CYP2C18: variants seen among roughly 807,000 people sequenced by gnomAD.
CYP2C18 encodes the protein cytochrome P450 2C18.
In CYP2C18, 38 loss-of-function variants were observed where a neutral mutation model predicts 41.3. The observed-to-expected ratio is 0.92, with a 90% CI of 0.71 to 1.21. The LOEUF is 1.21. Among genes scored for constraint, CYP2C18 ranks in the 50% most tolerant of loss-of-function variants. CYP2C18 has a pLI of 0.00. For missense variants in CYP2C18, 635 were observed against 591.4 expected (o/e 1.07, Z -0.77); for synonymous variants, 236 against 210.0 (o/e 1.12, Z -1.07).
At chr10:94,712,876 A>G (rs1847463671) in intron 5 of CYP2C18, among the ~76,000 whole-genome samples, 1 of 152,132 alleles carries the variant, frequency 6.6e-6, no homozygotes, top group Admixed American at 6.6e-5. Flanking sequence ...GATAATAGCC[A>G]TTCTAACAGA....
chr10:94,694,027 C>A (rs1162700811), intron 3 of CYP2C18, among the ~76,000 whole-genome samples: 1 of 151,984 alleles, frequency 6.6e-6, no homozygotes, highest in Non-Finnish European at 1.5e-5. Flanking sequence ...GATGGAATTA[C>A]CTAAATGATG....
intron 5 of CYP2C18, among the ~76,000 whole-genome samples, chr10:94,716,514 G>A (rs2134198876): frequency 6.6e-6 from 1 of 152,176 alleles, no homozygotes; most frequent in Non-Finnish European, 1.5e-5. Flanking sequence ...CTTAATTGTA[G>A]TTCTAGTTTG....
chr10:94,716,716 G>A (rs1293055976), intron 5 of CYP2C18, among the ~76,000 whole-genome samples: 2 of 152,166 alleles, frequency 1.3e-5, no homozygotes, highest in Non-Finnish European at 1.5e-5. Context: ...GCAGAGCTGA[G>A]TTCAATTCCT....
At chr10:94,726,596 G>A (rs1306775284) in intron 7 of CYP2C18, among the ~76,000 whole-genome samples, 1 of 152,050 alleles carries the variant, frequency 6.6e-6, no homozygotes, top group Admixed American at 6.6e-5. Flanking sequence ...ATCATTGATG[G>A]ACATTTGGGT....
Position 94,701,430 on chromosome 10 carries a change from G to A in CYP2C18, c.643-5354G>A, listed in dbSNP as rs181961289. 3.1e-3 allele frequency among the ~76,000 whole-genome samples: 478 copies of A among 152,074 alleles called. 2 individuals carry two copies. Among genetic ancestry groups the A allele is most frequent in the South Asian group, 0.012 (59 of 4,786 alleles). ...TGGGAATTGAACAGTGAGAACACAC[G>A]GACACGGGAAGGGGAACATCACACA... On this transcript the variant is annotated intron_variant, in intron 4 of 8. Transcript: ENST00000285979.
At chr10:94,710,486 G>A (rs377127215) in intron 5 of CYP2C18, among the ~76,000 whole-genome samples, 67 of 152,246 alleles carry the variant, frequency 4.4e-4, no homozygotes, top group African/African-American at 1.5e-3. Flanking sequence ...CCATTTTAAC[G>A]ATATTAAGTC....
chr10:94,698,111 C>T (rs187937349), intron 4 of CYP2C18, among the ~76,000 whole-genome samples: 1 of 152,220 alleles, frequency 6.6e-6, no homozygotes, highest in Non-Finnish European at 1.5e-5. Context: ...GAACTGAACT[C>T]AGCTCTGCAC....
At position 94,687,789 on chromosome 10, in the gene CYP2C18, C is replaced by G. The variant is rs769142998; in HGVS notation, c.188C>G (p.Pro63Arg). The part of the protein sequence containing the change: ...SLTNFSKVYG[P>R]VFTVYFGLKP... Reference sequence around the variant, plus strand: ...GTTTAGTTCTCAAAAGTCTATGGCCCTGTGTTCACTGTGTATTTTGGCCTG... The same window carrying G: ...GTTTAGTTCTCAAAAGTCTATGGCCGTGTGTTCACTGTGTATTTTGGCCTG... Residue 63 changes from proline to arginine, a missense_variant, in exon 2 of 9, where the codon CCT (proline) becomes CGT (arginine). By Grantham distance (103) the Pro-to-Arg change is moderately radical. Transcript: ENST00000285979. 6.2e-7 allele frequency: 1 copy of G among 1,613,338 alleles called. No homozygotes were observed. The highest frequency in any genetic ancestry group is 1.7e-5 in the Admixed American group (1 of 59,940).
intron 5 of CYP2C18, among the ~76,000 whole-genome samples, chr10:94,715,600 AT>A (rs1019896463): frequency 6.6e-6 from 1 of 152,068 alleles, no homozygotes; most frequent in Non-Finnish European, 1.5e-5. Context: ...TTTATTGAGG[AT>A]TTTTGTATCG....
At chr10:94,732,961 G>A (rs1225199357) in intron 7 of CYP2C18, among the ~76,000 whole-genome samples, 1 of 152,110 alleles carries the variant, frequency 6.6e-6, no homozygotes, top group Non-Finnish European at 1.5e-5. Flanking sequence ...CCATGTGTGA[G>A]GTGTGTGAAA....
rs1847769770 is a variant in CYP2C18, at chr10:94,727,852, A to G, written c.1149+3319A>G. Among the ~76,000 whole-genome samples the G allele has an allele frequency of 2.0e-5, 3 of 152,264 alleles. 1 individual carries two copies. In the South Asian group the frequency reaches 6.2e-4, roughly 32 times the overall value. ...ATTTATCTGCATTTATCTATCATCT[A>G]TCTACCTATGTAATCTAATCTGTCA... On this transcript the variant is annotated intron_variant, in intron 7 of 8. Transcript: ENST00000285979.
chr10:94,726,531 TA>T (rs1847745409), intron 7 of CYP2C18, among the ~76,000 whole-genome samples: 1 of 152,206 alleles, frequency 6.6e-6, no homozygotes, highest in Admixed American at 6.5e-5. Flanking sequence ...CATCATTTTT[TA>T]TGGTTGCATA....
rs758377420 is a variant in CYP2C18 at position 94,706,818 on chromosome 10, T to C, written c.677T>C (p.Leu226Pro). Residue 226 changes from leucine (L) to proline (P), a missense_variant, in exon 5 of 9, where the codon CTC becomes CCC. Physicochemically the swap from Leu to Pro is moderately conservative, Grantham distance 98. Transcript: ENST00000285979. ...AATTTCCCTGCTCTCATCGATTATC[T>C]CCCAGGAAGTCATAATAAAATAGCT... Reference protein sequence around the residue: ...CNNFPALIDYLPGSHNKIAEN... With the variant: ...CNNFPALIDYPPGSHNKIAEN... 1.6e-5 allele frequency: 26 copies of C among 1,600,808 alleles called. No individual in the cohort carries two copies. Among genetic ancestry groups the C allele is most frequent in the Middle Eastern group, 3.3e-4 (2 of 6,018 alleles).
intron 6 of CYP2C18, among the ~76,000 whole-genome samples, chr10:94,721,806 C>A (rs1847650281): frequency 1.3e-5 from 2 of 152,050 alleles, no homozygotes; most frequent in South Asian, 2.1e-4. Flanking sequence ...TTTTACATGG[C>A]TGAGTAGTAG....
At chr10:94,704,348 G>T (rs1481146147) in intron 4 of CYP2C18, among the ~76,000 whole-genome samples, 1 of 150,958 alleles carries the variant, frequency 6.6e-6, no homozygotes, top group South Asian at 2.1e-4. Context: ...TCTTCTGAAG[G>T]CTATAGCTTC....
chr10:94,720,404 C>T lies in CYP2C18; in HGVS notation c.828C>T (p.His276=), dbSNP rs749499238. 1 of 1,605,416 alleles carries T rather than the reference C, an allele frequency of 6.2e-7. No homozygotes were observed. The highest frequency in any genetic ancestry group is 8.5e-7 in the Non-Finnish European group (1 of 1,177,332). ...CFLIKMEQEK[H]NQQSEFTVES... ...ATGAAATAATTTTTTAGGAAAAGCA[C>T]AATCAACAGTCTGAATTTACTGTTG... is the stretch of plus-strand genomic sequence containing the variant. The change falls in exon 6 of 9, where the codon CAC becomes CAT. Residue 276 remains histidine (H), a synonymous_variant. Coordinates refer to ENST00000285979, the MANE Select transcript of CYP2C18 (RefSeq NM_000772.3).
Position 94,735,270 on chromosome 10 carries a change from G to A in CYP2C18, c.1299G>A (p.Arg433=). 1 of 1,613,372 alleles carries A rather than the reference G, an allele frequency of 6.2e-7. No homozygotes were observed. Among genetic ancestry groups the A allele is most frequent in the Non-Finnish European group, 8.5e-7 (1 of 1,179,558 alleles). The part of the protein sequence containing the change: ...DYFMPFSAGK[R]MCMGEGLARM... Reference sequence around the variant, plus strand: ...TATGTCTCTTATTTTCAGGAAAACGGATGTGTATGGGAGAGGGCCTGGCCC... The same window carrying A: ...TATGTCTCTTATTTTCAGGAAAACGAATGTGTATGGGAGAGGGCCTGGCCC... The change falls in exon 9 of 9, where the codon CGG becomes CGA. Residue 433 remains arginine, a synonymous_variant. Coordinates refer to ENST00000285979, the MANE Select transcript of CYP2C18 (RefSeq NM_000772.3).
chr10:94,721,170 A>G (rs1245116519), intron 6 of CYP2C18, among the ~76,000 whole-genome samples: 1 of 151,834 alleles, frequency 6.6e-6, no homozygotes, highest in Non-Finnish European at 1.5e-5. Context: ...TACCCACCAC[A>G]CCTGGCTAAT....
intron 7 of CYP2C18, 45 bp from the exon 8 acceptor site, chr10:94,733,252 C>A: frequency 6.3e-7 from 1 of 1,581,772 alleles, no homozygotes. Flanking sequence ...TCTTCCCACT[C>A]TTTGACTTCT....
Sources: allele counts gnomAD v4.1 joint callset (sites outside exome capture counted in the v4.1 genomes callset), GRCh38; gene constraint gnomAD v4.1.1; transcripts MANE v1.5; gene names NCBI Gene and HGNC (gene_info 2026-07-23, HGNC 2026-07-21).